NTRK3: variants seen among roughly 807,000 people sequenced by gnomAD.
The protein encoded by NTRK3 is NT-3 growth factor receptor.
A neutral mutation model predicts 91.7 loss-of-function variants in NTRK3; 24 were observed. The observed-to-expected ratio is 0.26, with a 90% CI of 0.19 to 0.37. The LOEUF is 0.37. NTRK3 is among the 10% of genes least tolerant of loss of function. The probability of loss-of-function intolerance (pLI) is 1.00; values close to 1 mark genes in which losing one functional copy is unlikely to be tolerated. For synonymous variants in NTRK3, 483 were observed against 404.0 expected (o/e 1.20, Z -2.34); for missense variants, 880 against 1,068.9 (o/e 0.82, Z 2.46).
At chr15:88,016,702 C>G (rs1243365418) in intron 14 of NTRK3, among the ~76,000 whole-genome samples, 1 of 152,064 alleles carries the variant, frequency 6.6e-6, no homozygotes, top group Non-Finnish European at 1.5e-5. Context: ...GCTTTGCAGC[C>G]GGGAAGGATG....
chr15:88,240,475 C>T lies in NTRK3; in HGVS notation c.248+15431G>A, dbSNP rs902030612. Among the ~76,000 whole-genome samples, 2 of 152,146 alleles carry T rather than the reference C, an allele frequency of 1.3e-5. No individual in the cohort carries two copies. Among genetic ancestry groups the T allele is most frequent in the African/African-American group, 4.8e-5 (2 of 41,420 alleles). On this transcript the variant is annotated intron_variant, in intron 3 of 18. Coordinates refer to ENST00000394480, the Ensembl canonical transcript of NTRK3. The surrounding 1 kb of genome is among the most constrained non-coding windows in gnomAD (Gnocchi z 4.9). ...ACTGAGTCCCAAGGGCCCCTTCTAC[C>T]CCACCCTCCTTACCACCAAAACAGC...
intron 17 of NTRK3, among the ~76,000 whole-genome samples, chr15:87,907,754 C>G (rs1017211506): frequency 6.6e-6 from 1 of 152,046 alleles, no homozygotes; most frequent in Non-Finnish European, 1.5e-5. Flanking sequence ...AAAAAAGCCC[C>G]CAAGCAAAAA....
intron 13 of NTRK3, among the ~76,000 whole-genome samples, chr15:88,084,649 A>G (rs1315966674): frequency 6.6e-6 from 1 of 152,122 alleles, no homozygotes. Flanking sequence ...CTTTCCCCCA[A>G]CCCTCTCACC....
At chr15:88,213,913 C>T (rs954236079) in intron 3 of NTRK3, among the ~76,000 whole-genome samples, 4 of 152,040 alleles carry the variant, frequency 2.6e-5, no homozygotes, top group African/African-American at 9.7e-5. Flanking sequence ...AACCCCGTCT[C>T]TACTAAAAAT....
At chr15:88,046,924 C>T (rs1227294924) in intron 13 of NTRK3, among the ~76,000 whole-genome samples, 3 of 152,184 alleles carry the variant, frequency 2.0e-5, no homozygotes, top group African/African-American at 7.2e-5. Context: ...AATAACACCG[C>T]ATCAGTTCTG....
At chr15:87,989,648 TA>T (rs561238814) in intron 14 of NTRK3, among the ~76,000 whole-genome samples, 5 of 142,000 alleles carry the variant, frequency 3.5e-5, no homozygotes, top group Admixed American at 7.1e-5. Flanking sequence ...ACTTAAAGTA[TA>T]AAAAAAAAGT....
At chr15:88,044,545 G>C (rs952543978) in intron 13 of NTRK3, among the ~76,000 whole-genome samples, 2 of 151,594 alleles carry the variant, frequency 1.3e-5, no homozygotes, top group South Asian at 4.2e-4. Flanking sequence ...ACAGGAGTGA[G>C]CCACCACGCC....
intron 14 of NTRK3, among the ~76,000 whole-genome samples, chr15:88,013,956 A>G (rs2077057032): frequency 1.3e-5 from 2 of 152,216 alleles, no homozygotes; most frequent in Admixed American, 6.5e-5. Flanking sequence ...TTTTTTTAAA[A>G]AAAGACTTAA....
chr15:88,199,317 G>A lies in NTRK3; in HGVS notation c.249-15018C>T, dbSNP rs959711243. 7.2e-5 allele frequency among the ~76,000 whole-genome samples: 11 copies of A among 152,224 alleles called. No individual in the cohort carries two copies. In the East Asian group the frequency reaches 7.7e-4, roughly 11 times the overall value. The stretch of plus-strand genomic sequence containing the variant: ...CCTCTCCCAGGACACTCATCATGTC[G>A]TCCGGTACTCTTTGACAAGCCTATC... On this transcript the variant is annotated intron_variant, in intron 3 of 18. Transcript: ENST00000394480.
intron 13 of NTRK3, among the ~76,000 whole-genome samples, chr15:88,040,413 C>T (rs546133939): frequency 5.3e-5 from 8 of 152,230 alleles, no homozygotes; most frequent in Admixed American, 2.0e-4. Context: ...AAGTTCTTCT[C>T]AGGGTTCATA....
chr15:87,876,795 G>A (rs1481633162), exon 19 of NTRK3: 2 of 954,734 alleles, frequency 2.1e-6, no homozygotes, highest in Non-Finnish European at 3.3e-6. Flanking sequence ...TTTTTTCAGT[G>A]TTGTATGTGT....
intron 5 of NTRK3, among the ~76,000 whole-genome samples, chr15:88,168,529 A>G (rs1032919761): frequency 6.6e-6 from 1 of 152,236 alleles, no homozygotes; most frequent in African/African-American, 2.4e-5. Context: ...TCTTTTCCAC[A>G]CAATAAATAA....
intron 14 of NTRK3, among the ~76,000 whole-genome samples, chr15:88,029,859 C>T (rs1298855372): frequency 6.6e-6 from 1 of 152,188 alleles, no homozygotes; most frequent in African/African-American, 2.4e-5. Flanking sequence ...TAATCAGAGA[C>T]CTGCTGCTGG....
chr15:87,899,757 T>C (rs2066339583), intron 17 of NTRK3, among the ~76,000 whole-genome samples: 1 of 152,132 alleles, frequency 6.6e-6, no homozygotes, highest in African/African-American at 2.4e-5. Context: ...CGGATGCACA[T>C]CATGGGAGAG....
At chr15:88,035,120 A>C (rs2078954511) in intron 13 of NTRK3, among the ~76,000 whole-genome samples, 1 of 152,242 alleles carries the variant, frequency 6.6e-6, no homozygotes, top group African/African-American at 2.4e-5. Flanking sequence ...AAAAGAAGAA[A>C]GAGGCAAGAG....
chr15:87,903,357 C>T (rs1032806838), intron 17 of NTRK3, among the ~76,000 whole-genome samples: 2 of 152,208 alleles, frequency 1.3e-5, no homozygotes, highest in African/African-American at 4.8e-5. Context: ...GAGACTAGGG[C>T]AACATTCTCA....
intron 14 of NTRK3, among the ~76,000 whole-genome samples, chr15:88,005,106 C>T (rs931852392): frequency 4.6e-5 from 7 of 152,048 alleles, no homozygotes; most frequent in Non-Finnish European, 7.4e-5. Flanking sequence ...ATTTGTTTTC[C>T]CTCTATTGAT....
chr15:88,145,502 C>G (rs2042807585), intron 6 of NTRK3, among the ~76,000 whole-genome samples: 1 of 152,118 alleles, frequency 6.6e-6, no homozygotes. Flanking sequence ...GTATTGATCC[C>G]AGGCAAAGAT....
chr15:87,900,899 C>G (rs375207519), intron 17 of NTRK3, among the ~76,000 whole-genome samples: 11 of 152,098 alleles, frequency 7.2e-5, no homozygotes, highest in African/African-American at 2.7e-4. Context: ...TCATCCAGTT[C>G]CAAAAGGGGA....
Sources: allele counts gnomAD v4.1 joint callset (sites outside exome capture counted in the v4.1 genomes callset), GRCh38; gene constraint gnomAD v4.1.1; non-coding constraint Gnocchi (gnomAD v3.1); transcripts MANE v1.5; gene names NCBI Gene and HGNC (gene_info 2026-07-23, HGNC 2026-07-21).